The following IL2RA variants were observed in gnomAD, a reference collection of about 807,000 sequenced individuals.
The protein encoded by IL2RA is interleukin 2 receptor subunit alpha, also known as interleukin-2 receptor subunit alpha.
A neutral mutation model predicts 37.8 loss-of-function variants in IL2RA; 24 were observed. The observed-to-expected ratio is 0.63, with a 90% CI of 0.46 to 0.89. IL2RA has a LOEUF of 0.89. Among genes scored for constraint, IL2RA ranks in the 40% least tolerant of loss-of-function variants. The pLI is 0.00. For synonymous variants in IL2RA, 125 were observed against 114.6 expected (o/e 1.09, Z -0.58); for missense variants, 319 against 348.6 (o/e 0.92, Z 0.68).
Position 6,033,056 on chromosome 10 carries a change from A to C in IL2RA, c.65-7031T>G, listed in dbSNP as rs1467946860. Among the ~76,000 whole-genome samples the C allele has an allele frequency of 6.6e-6, 1 of 152,210 alleles. No individual in the cohort carries two copies. The highest frequency in any genetic ancestry group is 2.4e-5 in the African/African-American group (1 of 41,456). The stretch of plus-strand genomic sequence containing the variant: ...CTCTTATGTTACTGGTGGCAGTGTA[A>C]GTAATGTAATTACTTTGGAACACTA... On this transcript the variant is annotated intron_variant, in intron 1 of 7. Coordinates refer to ENST00000379959, the MANE Select transcript of IL2RA (RefSeq NM_000417.3). This position sits in a 1 kb window ranked among gnomAD's most constrained non-coding sequence, Gnocchi z 4.3.
chr10:6,028,502 A>C lies in IL2RA; in HGVS notation c.65-2477T>G, dbSNP rs1589297134. ...ACCTGCCCTTACAAAGATTAAAACC[A>C]AGCCTAATAGACAAGAGGATGCGCT... On this transcript the variant is annotated intron_variant, in intron 1 of 7. Transcript: ENST00000379959. The surrounding 1 kb of genome is among the most constrained non-coding windows in gnomAD (Gnocchi z 4.1). Among the ~76,000 whole-genome samples, 1 of 152,366 alleles carries C rather than the reference A, an allele frequency of 6.6e-6. No individual in the cohort carries two copies. The highest frequency in any genetic ancestry group is 2.4e-5 in the African/African-American group (1 of 41,582).
chr10:6,018,528 T>G lies in IL2RA; in HGVS notation c.728-409A>C, dbSNP rs1839318095. 6.6e-6 allele frequency among the ~76,000 whole-genome samples: 1 copy of G among 152,200 alleles called. No individual in the cohort carries two copies. The highest frequency in any genetic ancestry group is 1.5e-5 in the Non-Finnish European group (1 of 68,028). ...TGCTGAGGTTTTGGAGGCTGACATT[T>G]GTTTACTTTCTAGGCAGATGCAGAC... On this transcript the variant is annotated intron_variant, in intron 6 of 7. Coordinates refer to ENST00000379959, the MANE Select transcript of IL2RA (RefSeq NM_000417.3). The surrounding 1 kb of genome is among the most constrained non-coding windows in gnomAD (Gnocchi z 5.1).
intron 5 of IL2RA, 39 bp from the exon 6 acceptor site, chr10:6,019,538 T>C: frequency 6.8e-7 from 1 of 1,473,450 alleles, no homozygotes; most frequent in South Asian, 1.1e-5. Flanking sequence ...CCTGCTACCG[T>C]GACTTTAGGA....
Position 6,012,764 on chromosome 10 carries a change from CG to C in IL2RA, c.*107del. On this transcript the variant is annotated 3_prime_UTR_variant, in exon 8 of 8. Coordinates refer to ENST00000379959, the MANE Select transcript of IL2RA (RefSeq NM_000417.3). This position sits in a 1 kb window ranked among gnomAD's most constrained non-coding sequence, Gnocchi z 4.8. ...GCTTCCAAAACGCAGGCAAGCACAA[CG>C]GATGTCTCCTGGGCGACCATTTAGC... 1 of 1,179,556 alleles carries C rather than the reference CG, an allele frequency of 8.5e-7. No homozygotes were observed. The highest frequency in any genetic ancestry group is 1.2e-5 in the South Asian group (1 of 82,094). 73.1% of individuals were successfully genotyped at this position (1,179,556 alleles called of 1,614,324 possible).
chr10:6,043,890 A>G (rs1231903911), intron 1 of IL2RA, among the ~76,000 whole-genome samples: 1 of 152,228 alleles, frequency 6.6e-6, no homozygotes, highest in Non-Finnish European at 1.5e-5. Context: ...AAATATTTAT[A>G]GAACAAATAG....
intron 1 of IL2RA, among the ~76,000 whole-genome samples, chr10:6,027,635 A>C (rs908572460): frequency 1.3e-5 from 2 of 152,226 alleles, no homozygotes; most frequent in African/African-American, 4.8e-5. Context: ...TGATTATAGC[A>C]AATAATATAC....
At chr10:6,051,817 CTATATATATATATATA>C (rs61008683) in intron 1 of IL2RA, among the ~76,000 whole-genome samples, 11 of 33,686 alleles carry the variant, frequency 3.3e-4, no homozygotes, top group South Asian at 1.8e-3. Flanking sequence ...TCATGCCCAG[CTATATATATATATATA>C]TATATATATA....
At position 6,020,522 on chromosome 10, in the gene IL2RA, T is replaced by C. The variant is rs1206074095; in HGVS notation, c.584-581A>G. Among the ~76,000 whole-genome samples, 1 of 149,434 alleles carries C rather than the reference T, an allele frequency of 6.7e-6. No individual in the cohort carries two copies. Among genetic ancestry groups the C allele is most frequent in the East Asian group, 2.0e-4 (1 of 5,072 alleles). Reference sequence around the variant, plus strand: ...CAGTGAGCAAGAAAACCAGGAATACTTGTGGTTGAATGTAAGTCACTTTTT... The same window carrying C: ...CAGTGAGCAAGAAAACCAGGAATACCTGTGGTTGAATGTAAGTCACTTTTT... On this transcript the variant is annotated intron_variant, in intron 4 of 7. Transcript: ENST00000379959. The surrounding 1 kb of genome is among the most constrained non-coding windows in gnomAD (Gnocchi z 5.6).
At chr10:6,042,128 G>A (rs912488210) in intron 1 of IL2RA, among the ~76,000 whole-genome samples, 11 of 52,752 alleles carry the variant, frequency 2.1e-4, no homozygotes, top group Admixed American at 3.6e-4. Context: ...ATTTGCACCT[G>A]ATGCTAGCAA....
rs1049418858 is a variant in IL2RA, at chr10:6,056,378, C to T, written c.64+5710G>A. Among the ~76,000 whole-genome samples, 3 of 152,190 alleles carry T rather than the reference C, an allele frequency of 2.0e-5. No homozygotes were observed. Among genetic ancestry groups the T allele is most frequent in the African/African-American group, 7.2e-5 (3 of 41,428 alleles). On this transcript the variant is annotated intron_variant, in intron 1 of 7. Transcript: ENST00000379959. The surrounding 1 kb of genome is among the most constrained non-coding windows in gnomAD (Gnocchi z 5.0). The stretch of plus-strand genomic sequence containing the variant: ...AATATTGAACTGAAATTTAAGAGGG[C>T]TGGATTCAAGTTCAGCTTCTATGTG...
intron 1 of IL2RA, among the ~76,000 whole-genome samples, chr10:6,050,643 C>CA (rs1046361609): frequency 2.0e-5 from 3 of 151,740 alleles, no homozygotes; most frequent in African/African-American, 7.3e-5. Context: ...GACTCTGTCT[C>CA]AAAAAAAAGG....
chr10:6,025,826 A>G lies in IL2RA; in HGVS notation c.256+8T>C. Reference sequence around the variant, plus strand: ...TTTGTTCTTGGTAGTCACAGAAGGGACACTTACCAGAGCTTGTGCATTGAC... The same window carrying G: ...TTTGTTCTTGGTAGTCACAGAAGGGGCACTTACCAGAGCTTGTGCATTGAC... On this transcript the variant is annotated splice_region_variant and intron_variant, in intron 2 of 7. Transcript: ENST00000379959. This position sits in a 1 kb window ranked among gnomAD's most constrained non-coding sequence, Gnocchi z 4.4. The G allele has an allele frequency of 6.2e-7, 1 of 1,613,740 alleles. No homozygotes were observed. The highest frequency in any genetic ancestry group is 8.5e-7 in the Non-Finnish European group (1 of 1,179,648).
rs540482192 is a variant in IL2RA, at chr10:6,058,365, T to C, written c.64+3723A>G. On this transcript the variant is annotated intron_variant, in intron 1 of 7. Transcript: ENST00000379959. The surrounding 1 kb of genome is among the most constrained non-coding windows in gnomAD (Gnocchi z 4.2). ...CAATTCTCACATCTAAAATGAAGTA[T>C]ATGCACAGGTGATTTATCAAACTGC... Among the ~76,000 whole-genome samples, 2 of 152,346 alleles carry C rather than the reference T, an allele frequency of 1.3e-5. No individual in the cohort carries two copies. Among genetic ancestry groups the C allele is most frequent in the African/African-American group, 4.8e-5 (2 of 41,578 alleles).
At chr10:6,019,049 CACCAACCAACCTATCAACTT>C (rs1182926672) in intron 6 of IL2RA, among the ~76,000 whole-genome samples, 5 of 150,686 alleles carry the variant, frequency 3.3e-5, no homozygotes, top group African/African-American at 9.8e-5. Flanking sequence ...TCAACCAACC[CACCAACCAACCTATCAACTT>C]ACCAACCAAC....
At position 6,014,534 on chromosome 10, in the gene IL2RA, T is replaced by C. The variant is rs950543519; in HGVS notation, c.795-1638A>G. 2.0e-5 allele frequency among the ~76,000 whole-genome samples: 3 copies of C among 152,212 alleles called. No individual in the cohort carries two copies. Among genetic ancestry groups the C allele is most frequent in the Non-Finnish European group, 2.9e-5 (2 of 68,030 alleles). ...GAACCATTCCTACTTCCAAATAGCT[T>C]TGTCCTCTGGGCCCGAAGGCTTTTG... On this transcript the variant is annotated intron_variant, in intron 7 of 7. Coordinates refer to ENST00000379959, the MANE Select transcript of IL2RA (RefSeq NM_000417.3). This position sits in a 1 kb window ranked among gnomAD's most constrained non-coding sequence, Gnocchi z 4.4.
Position 6,019,856 on chromosome 10 carries a change from G to T in IL2RA, c.655+14C>A. ...ACTAGGCCTCTGTGGTCCAGCGTTT[G>T]TCTTCTCCCGCACCTGTTGTTGTGA... On this transcript the variant is annotated intron_variant, in intron 5 of 7. Coordinates refer to ENST00000379959, the MANE Select transcript of IL2RA (RefSeq NM_000417.3). 6.2e-7 allele frequency: 1 copy of T among 1,613,468 alleles called. No individual in the cohort carries two copies. Among genetic ancestry groups the T allele is most frequent in the Non-Finnish European group, 8.5e-7 (1 of 1,179,348 alleles).
chr10:6,016,283 C>T (rs1474148465), intron 7 of IL2RA, among the ~76,000 whole-genome samples: 4 of 152,284 alleles, frequency 2.6e-5, no homozygotes, highest in African/African-American at 9.6e-5. Flanking sequence ...GCACAAACGC[C>T]CTTGATACAT....
At chr10:6,019,723 G>A in intron 5 of IL2RA, 147 bp downstream of exon 5, 1 of 846,900 alleles carries the variant, frequency 1.2e-6, no homozygotes, top group Admixed American at 1.9e-5. Context: ...AGGTTGCTGA[G>A]GCCCTGTCCC....
intron 1 of IL2RA, among the ~76,000 whole-genome samples, chr10:6,050,656 G>A (rs759189167): frequency 3.3e-5 from 5 of 152,094 alleles, no homozygotes; most frequent in African/African-American, 1.2e-4. Context: ...AAAAAAGGTG[G>A]TTGGGGTGGG....
Sources: allele counts gnomAD v4.1 joint callset (sites outside exome capture counted in the v4.1 genomes callset), GRCh38; gene constraint gnomAD v4.1.1; non-coding constraint Gnocchi (gnomAD v3.1); transcripts MANE v1.5; gene names NCBI Gene and HGNC (gene_info 2026-07-23, HGNC 2026-07-21).